The following IGSF11 variants were observed in gnomAD, a reference collection of about 807,000 sequenced individuals.
IGSF11 encodes immunoglobulin superfamily member 11.
IGSF11 carries 22 observed loss-of-function variants against 41.0 expected under a neutral mutation model. The ratio of observed to expected loss-of-function variants is 0.54; its 90% CI spans 0.38 to 0.77. The LOEUF is 0.77. IGSF11 is among the 30% of genes least tolerant of loss of function. The pLI is 0.00. For missense variants in IGSF11, 444 were observed against 530.8 expected (o/e 0.84, Z 1.61); for synonymous variants, 219 against 201.3 (o/e 1.09, Z -0.74).
rs142105021 is a variant in IGSF11 at position 119,041,230 on chromosome 3, C to A, written c.49+63914G>T. Among the ~76,000 whole-genome samples the A allele has an allele frequency of 3.9e-5, 6 of 152,218 alleles. No homozygotes were observed. The East Asian group carries it at 1.2e-3, about 29-fold the overall frequency. ...TTTGCACTTTGAAAATGTTAGTTAA[C>A]AAAATTCCAGTGACACTAATCAAAA... is the stretch of plus-strand genomic sequence containing the variant. On this transcript the variant is annotated intron_variant, in intron 1 of 6. Transcript: ENST00000354673.
chr3:118,928,252 T>C (rs897635797), intron 3 of IGSF11, among the ~76,000 whole-genome samples: 2 of 152,240 alleles, frequency 1.3e-5, no homozygotes, highest in African/African-American at 4.8e-5. Flanking sequence ...CCACTTCTGA[T>C]GGTATTTGAT....
At chr3:118,965,932 G>A (rs1277064407) in intron 1 of IGSF11, among the ~76,000 whole-genome samples, 1 of 151,804 alleles carries the variant, frequency 6.6e-6, no homozygotes, top group Non-Finnish European at 1.5e-5. Context: ...ATGAGTTCTG[G>A]GTATGGAGCA....
intron 1 of IGSF11, among the ~76,000 whole-genome samples, chr3:119,056,302 T>C (rs1395780620): frequency 3.3e-5 from 5 of 152,206 alleles, no homozygotes; most frequent in South Asian, 2.1e-4. Context: ...CACCATCGAT[T>C]ACACAGAAAT....
chr3:119,129,559 T>G (rs1413121499), intron 1 of IGSF11, among the ~76,000 whole-genome samples: 1 of 152,176 alleles, frequency 6.6e-6, no homozygotes, highest in Admixed American at 6.5e-5. Flanking sequence ...GGTGTAGAGA[T>G]TTTATTAGTT....
chr3:118,904,566 G>T, intron 6 of IGSF11, 82 bp downstream of exon 6: 2 of 990,154 alleles, frequency 2.0e-6, no homozygotes, highest in South Asian at 1.6e-5. Context: ...TTTATGATTA[G>T]TAGATATATC....
chr3:119,128,378 G>A (rs1426888522), intron 1 of IGSF11, among the ~76,000 whole-genome samples: 2 of 151,662 alleles, frequency 1.3e-5, no homozygotes, highest in African/African-American at 2.4e-5. Flanking sequence ...AAGAGAGAGA[G>A]AAACAGAGAA....
intron 1 of IGSF11, among the ~76,000 whole-genome samples, chr3:119,104,090 T>C (rs956185032): frequency 9.2e-5 from 14 of 152,188 alleles, no homozygotes; most frequent in African/African-American, 2.9e-4. Flanking sequence ...ATTTTTAAAA[T>C]AGAAATTTCT....
chr3:119,084,059 G>A (rs1237802564), intron 1 of IGSF11, among the ~76,000 whole-genome samples: 2 of 152,062 alleles, frequency 1.3e-5, no homozygotes, highest in Admixed American at 6.5e-5. Flanking sequence ...GCTAATGTGT[G>A]TGTCTGTGTC....
rs1476725579 is a variant in IGSF11, at chr3:118,902,389, C to T, written c.*131G>A. 9 of 722,236 alleles carry T rather than the reference C, an allele frequency of 1.2e-5. No homozygotes were observed. Among genetic ancestry groups the T allele is most frequent in the Admixed American group, 2.5e-5 (1 of 40,448 alleles). The allele number at this position is 722,236 out of a possible 1,614,324, so 44.7% of individuals were successfully genotyped here. A position where few individuals can be genotyped will look rare whatever the true frequency, so the allele number is the denominator to read the frequency against. ...TCTTAGTGGCCAAGTAACAGCACTG[C>T]CTTCTTCTTTGTGCATTTTACTAAT... On this transcript the variant is annotated 3_prime_UTR_variant, in exon 7 of 7. Coordinates refer to ENST00000393775, the MANE Select transcript of IGSF11 (RefSeq NM_001015887.3).
At chr3:119,005,239 A>G (rs2107681327) in intron 1 of IGSF11, among the ~76,000 whole-genome samples, 1 of 144,620 alleles carries the variant, frequency 6.9e-6, no homozygotes, top group South Asian at 2.3e-4. Flanking sequence ...GTCTCTTTTG[A>G]TCTTTGTTGG....
At chr3:118,925,288 A>G (rs138231954) in intron 4 of IGSF11, among the ~76,000 whole-genome samples, 7 of 152,306 alleles carry the variant, frequency 4.6e-5, no homozygotes, top group African/African-American at 1.4e-4. Context: ...AACATGATTC[A>G]GACTTACAAG....
At chr3:118,903,092 G>A (rs778643960) in intron 6 of IGSF11, 131 bp from the exon 7 acceptor site, 299 of 827,570 alleles carry the variant, frequency 3.6e-4, no homozygotes, top group Non-Finnish European at 4.9e-4. Flanking sequence ...CTACTCTATC[G>A]TGAAAGCAGG....
At chr3:118,924,456 A>C (rs937988532) in intron 4 of IGSF11, among the ~76,000 whole-genome samples, 24 of 152,142 alleles carry the variant, frequency 1.6e-4, no homozygotes, top group African/African-American at 5.8e-4. Flanking sequence ...TCAAGAGATA[A>C]ATTTAGATTA....
chr3:119,046,036 G>A (rs1482474334), intron 1 of IGSF11, among the ~76,000 whole-genome samples: 1 of 151,348 alleles, frequency 6.6e-6, no homozygotes, highest in Non-Finnish European at 1.5e-5. Flanking sequence ...AAACCACAAA[G>A]ATGGGGAAAA....
chr3:119,015,702 C>T (rs1033065394), intron 1 of IGSF11, among the ~76,000 whole-genome samples: 1 of 139,440 alleles, frequency 7.2e-6, no homozygotes, highest in Non-Finnish European at 1.6e-5. Context: ...CATAGCCTAA[C>T]ACAAAGCAGG....
chr3:118,960,696 A>C (rs1945282895), intron 1 of IGSF11, among the ~76,000 whole-genome samples: 1 of 152,214 alleles, frequency 6.6e-6, no homozygotes, highest in Non-Finnish European at 1.5e-5. Flanking sequence ...GTATATATAC[A>C]CCTAATCTTT....
intron 1 of IGSF11, among the ~76,000 whole-genome samples, chr3:119,004,643 A>C (rs1263998528): frequency 1.4e-5 from 2 of 147,676 alleles, no homozygotes; most frequent in Non-Finnish European, 3.0e-5. Context: ...AATGTGTCCC[A>C]GAGATTCTGG....
chr3:118,908,128 G>A (rs1050081777), intron 4 of IGSF11, among the ~76,000 whole-genome samples: 1 of 152,146 alleles, frequency 6.6e-6, no homozygotes, highest in East Asian at 1.9e-4. Context: ...TGGTAATTTT[G>A]TTGACATTTC....
chr3:118,964,585 T>C (rs745916803), intron 1 of IGSF11, among the ~76,000 whole-genome samples: 1 of 152,162 alleles, frequency 6.6e-6, no homozygotes, highest in Non-Finnish European at 1.5e-5. Context: ...CACTTTTAAC[T>C]ACCTATTAGG....
Sources: gnomAD v4.1 joint callset for allele counts (sites outside exome capture counted in the v4.1 genomes callset) on GRCh38, gnomAD v4.1.1 for gene constraint, MANE v1.5 for transcripts, NCBI Gene and HGNC (gene_info 2026-07-23, HGNC 2026-07-21) for gene names.